The following FAM181A variants were observed in gnomAD, a reference collection of about 807,000 sequenced individuals.
FAM181A encodes the protein family with sequence similarity 181 member A.
Under a neutral mutation model 16.3 loss-of-function variants are expected in FAM181A, and 7 were observed. The observed-to-expected ratio is 0.43, with a 90% CI of 0.24 to 0.81. FAM181A has a LOEUF of 0.81. FAM181A is among the 30% of genes least tolerant of loss of function. The pLI is 0.24. For missense variants in FAM181A, 349 were observed against 377.5 expected (o/e 0.92, Z 0.63); for synonymous variants, 183 against 164.9 (o/e 1.11, Z -0.84).
At chr14:93,919,847 A>G (rs1426622429) in intron 1 of FAM181A, among the ~76,000 whole-genome samples, 1 of 152,176 alleles carries the variant, frequency 6.6e-6, no homozygotes, top group Non-Finnish European at 1.5e-5. Flanking sequence ...GAAATTTTAT[A>G]GCACTAAGAG....
At chr14:93,925,502 C>T (rs1887870698), upstream of FAM181A, 12 of 682,200 alleles carry the variant, frequency 1.8e-5, no homozygotes, top group South Asian at 6.1e-5. Flanking sequence ...TTCAGCCACG[C>T]GTGCCAGATG....
rs376225802 is a variant in FAM181A, at chr14:93,928,918, G to T, written c.633G>T (p.Trp211Cys). 1.9e-6 allele frequency: 3 copies of T among 1,614,048 alleles called. No homozygotes were observed. Among genetic ancestry groups the T allele is most frequent in the Non-Finnish European group, 2.5e-6 (3 of 1,180,022 alleles). Residue 211 changes from tryptophan to cysteine, a missense_variant, in exon 2 of 2, where the codon TGG (tryptophan) becomes TGT (cysteine). Transcript: ENST00000556222. The stretch of plus-strand genomic sequence containing the variant: ...CCTTGGTGGGCCGCGTCAATGCCTG[G>T]AGTTGCTGCCCCTTCCAGTACCATG... Reference protein sequence around the residue: ...GVSLVGRVNAWSCCPFQYHGQ... With the variant: ...GVSLVGRVNACSCCPFQYHGQ...
At chr14:93,925,981 G>T (rs1292764101), upstream of FAM181A, among the ~76,000 whole-genome samples, 21 of 152,112 alleles carry the variant, frequency 1.4e-4, no homozygotes, top group Admixed American at 1.2e-3. Flanking sequence ...AATGCCCCCA[G>T]TCTGGGTAGG....
chr14:93,923,749 A>T (rs1887806781), upstream of FAM181A: 1 of 152,274 alleles, frequency 6.6e-6, no homozygotes, highest in African/African-American at 2.4e-5. Flanking sequence ...AGTTGAAGCC[A>T]GCACAGCTCA....
At chr14:93,919,760 A>T (rs1262179390) in intron 1 of FAM181A, among the ~76,000 whole-genome samples, 1 of 152,184 alleles carries the variant, frequency 6.6e-6, no homozygotes, top group Non-Finnish European at 1.5e-5. Context: ...GAAAATAACA[A>T]AAATATACTG....
upstream of FAM181A, chr14:93,925,014 C>T: frequency 4.0e-6 from 2 of 504,958 alleles, no homozygotes; most frequent in Non-Finnish European, 6.9e-6. Flanking sequence ...TTTCTCTCTT[C>T]CCTCTTTTCT....
At chr14:93,927,547 C>T (rs941806561) in intron 1 of FAM181A, 93 bp downstream of exon 1, 6 of 1,283,304 alleles carry the variant, frequency 4.7e-6, no homozygotes, top group African/African-American at 3.1e-5. Context: ...CCGTGGGTGG[C>T]GGCCGAGGAG....
chr14:93,927,391 C>G lies in FAM181A; in HGVS notation c.-151C>G, dbSNP rs902436254. The G allele has an allele frequency of 3.5e-5, 40 of 1,147,428 alleles. No homozygotes were observed. The highest frequency in any genetic ancestry group is 4.1e-5 in the Non-Finnish European group (38 of 919,784). The allele number at this position is 1,147,428 out of a possible 1,614,324, so 71.1% of individuals were successfully genotyped here. A position where few individuals can be genotyped will look rare whatever the true frequency, so the allele number is the denominator to read the frequency against. The stretch of plus-strand genomic sequence containing the variant: ...GGAGCTCGGCCGGCTGCGCCGGGGC[C>G]TGTCCCAGGTCTGCAGTGGGGAACC... On this transcript the variant is annotated 5_prime_UTR_variant, in exon 1 of 2. Coordinates refer to ENST00000556222, the MANE Select transcript of FAM181A (RefSeq NM_001207073.2).
At position 93,927,650 on chromosome 14, in the gene FAM181A, C is replaced by G. The variant is rs577893077; in HGVS notation, c.-88+196C>G. 3.0e-4 allele frequency: 381 copies of G among 1,280,722 alleles called. No homozygotes were observed. The African/African-American group carries it at 3.7e-3, about 13-fold the overall frequency. The allele number at this position is 1,280,722 out of a possible 1,614,324, so 79.3% of individuals were successfully genotyped here. ...AGGCAGGTCTCGATTAAGTGCCAGA[C>G]AGGGGTCCTGCCTGGTCCTGCGTGA... On this transcript the variant is annotated intron_variant, in intron 1 of 1. Transcript: ENST00000556222.
upstream of FAM181A, among the ~76,000 whole-genome samples, chr14:93,924,577 C>A (rs1887834305): frequency 1.3e-5 from 2 of 152,234 alleles, no homozygotes; most frequent in African/African-American, 2.4e-5. Flanking sequence ...GCCACAGTTG[C>A]CTCCTCTCCC....
chr14:93,927,329 G>T, upstream of FAM181A: 1 of 1,092,610 alleles, frequency 9.2e-7, no homozygotes, highest in African/African-American at 1.7e-5. Flanking sequence ...CCTCCATTCA[G>T]CCCACTCAAG....
intron 1 of FAM181A, chr14:93,927,739 G>T: frequency 2.1e-6 from 2 of 952,332 alleles, no homozygotes; most frequent in South Asian, 1.8e-5. Flanking sequence ...GGGGGCAGGA[G>T]TGGTGGGAGG....
At chr14:93,925,622 G>C (rs1226606140), upstream of FAM181A, among the ~76,000 whole-genome samples, 1 of 151,872 alleles carries the variant, frequency 6.6e-6, no homozygotes, top group Non-Finnish European at 1.5e-5. Flanking sequence ...TGATGGTTTG[G>C]CTCTCACCCA....
chr14:93,929,214 G>C lies in FAM181A; in HGVS notation c.*50G>C, dbSNP rs1274343676. ...CACCTCTGGCCTGCAGGAGTGTCGAGGTCCCCGAGGCGCTCTCCTGTGAGG... is the reference window on the plus strand; with the variant it reads ...CACCTCTGGCCTGCAGGAGTGTCGACGTCCCCGAGGCGCTCTCCTGTGAGG... On this transcript the variant is annotated 3_prime_UTR_variant, in exon 2 of 2. Transcript: ENST00000556222. 3 of 1,499,094 alleles carry C rather than the reference G, an allele frequency of 2.0e-6. No individual in the cohort carries two copies. In the East Asian group the frequency reaches 6.8e-5, roughly 34 times the overall value. The allele number at this position is 1,499,094 out of a possible 1,614,324, so 92.9% of individuals were successfully genotyped here.
At chr14:93,921,501 G>T (rs1887722800) in intron 1 of FAM181A, among the ~76,000 whole-genome samples, 1 of 152,250 alleles carries the variant, frequency 6.6e-6, no homozygotes, top group African/African-American at 2.4e-5. Context: ...CTGTTCCCAG[G>T]AAGCAAGAAG....
Position 93,929,371 on chromosome 14 carries a change from T to G in FAM181A, c.*207T>G. On this transcript the variant is annotated 3_prime_UTR_variant, in exon 2 of 2. Transcript: ENST00000556222. ...TGGAAGCTGGGAGGCTGGACCTGGT[T>G]GGCCCCTCCCCAGGCAGGCCAGGGC... 4.7e-6 allele frequency: 3 copies of G among 633,184 alleles called. No individual in the cohort carries two copies. The highest frequency in any genetic ancestry group is 7.2e-6 in the Non-Finnish European group (3 of 413,906). The allele number at this position is 633,184 out of a possible 1,614,324, so 39.2% of individuals were successfully genotyped here.
At chr14:93,920,953 G>A (rs1887701933) in intron 1 of FAM181A, among the ~76,000 whole-genome samples, 1 of 152,184 alleles carries the variant, frequency 6.6e-6, no homozygotes, top group Non-Finnish European at 1.5e-5. Flanking sequence ...GAATGCACAG[G>A]GGAGTGTAAG....
At chr14:93,926,856 G>A (rs1397228462), upstream of FAM181A, 1 of 152,278 alleles carries the variant, frequency 6.6e-6, no homozygotes, top group Admixed American at 6.5e-5. This position sits in a 1 kb window ranked among gnomAD's most constrained non-coding sequence, Gnocchi z 5.2. Context: ...GAGAGAGTGA[G>A]AGCGAGAGAG....
upstream of FAM181A, among the ~76,000 whole-genome samples, chr14:93,925,975 C>T (rs1224912137): frequency 1.3e-5 from 2 of 152,058 alleles, no homozygotes; most frequent in East Asian, 3.9e-4. Context: ...CCTGCCAATG[C>T]CCCCAGTCTG....
Sources: gnomAD v4.1 joint callset for allele counts (sites outside exome capture counted in the v4.1 genomes callset) on GRCh38, gnomAD v4.1.1 for gene constraint, Gnocchi (gnomAD v3.1) non-coding constraint, MANE v1.5 for transcripts, NCBI Gene and HGNC (gene_info 2026-07-23, HGNC 2026-07-21) for gene names.